Variants in TTLL7 observed in about 807,000 individuals in gnomAD.
TTLL7 encodes the protein tubulin polyglutamylase TTLL7.
A neutral mutation model predicts 120.2 loss-of-function variants in TTLL7; 53 were observed. The observed-to-expected ratio is 0.44, with a 90% CI of 0.35 to 0.55. TTLL7 has a LOEUF of 0.55. Among genes scored for constraint, TTLL7 ranks in the 20% least tolerant of loss-of-function variants. The probability of loss-of-function intolerance (pLI) is 0.00; values close to 1 mark genes in which losing one functional copy is unlikely to be tolerated. For synonymous variants in TTLL7, 353 were observed against 351.7 expected (o/e 1.00, Z -0.04); for missense variants, 803 against 1,054.7 (o/e 0.76, Z 3.31).
intron 14 of TTLL7, 148 bp from the exon 15 acceptor site, chr1:83,911,511 T>C: frequency 3.0e-6 from 2 of 660,430 alleles, no homozygotes; most frequent in East Asian, 5.4e-5. Flanking sequence ...GCCATGCTGC[T>C]TAGCCTACAG....
chr1:83,969,555 ACT>A (rs1316804617), intron 1 of TTLL7, among the ~76,000 whole-genome samples: 1 of 151,952 alleles, frequency 6.6e-6, no homozygotes, highest in Non-Finnish European at 1.5e-5. Flanking sequence ...AAAGGGGAAC[ACT>A]CTGGAAAACA....
chr1:83,992,794 T>TC (rs1023900870), intron 1 of TTLL7, among the ~76,000 whole-genome samples: 3 of 145,594 alleles, frequency 2.1e-5, no homozygotes, highest in Non-Finnish European at 4.5e-5. Flanking sequence ...TCAAGTTCTT[T>TC]TTTTTTTTTT....
In TTLL7 at chr1:83,999,086, G is replaced by A. The variant is rs1653757903; in HGVS notation, c.-332C>T. ...CTCCTCCGCCCGCCCACCGCCCGTGGCAGCCACGGCTCGGGACTCCGGTGC... is the reference window on the plus strand; with the variant it reads ...CTCCTCCGCCCGCCCACCGCCCGTGACAGCCACGGCTCGGGACTCCGGTGC... On this transcript the variant is annotated 5_prime_UTR_variant, in exon 1 of 21. Coordinates refer to ENST00000260505, the MANE Select transcript of TTLL7 (RefSeq NM_024686.6). The A allele has an allele frequency of 2.2e-6, 1 of 444,966 alleles. No homozygotes were observed. The allele number at this position is 444,966 out of a possible 1,614,324, so 27.6% of individuals were successfully genotyped here. A position where few individuals can be genotyped will look rare whatever the true frequency, so the allele number is the denominator to read the frequency against.
chr1:83,866,075 C>T lies in TTLL7; in HGVS notation c.*3887G>A, dbSNP rs537492319. On this transcript the variant is annotated 3_prime_UTR_variant, in exon 21 of 21. Coordinates refer to ENST00000260505, the MANE Select transcript of TTLL7 (RefSeq NM_024686.6). ...GAACACAATTAATTGTACAGTTATA[C>T]ATTTTATTTAACCCCTATGACCATG... 14 of 151,920 alleles carry T rather than the reference C, an allele frequency of 9.2e-5. No individual in the cohort carries two copies. The highest frequency in any genetic ancestry group is 3.4e-4 in the African/African-American group (14 of 41,530). 9.4% of individuals were successfully genotyped at this position (151,920 alleles called of 1,614,324 possible).
rs35374044 is a variant in TTLL7 at position 83,990,167 on chromosome 1, C to CTTT, written c.-177+8761_-177+8763dup. 1.2e-3 allele frequency among the ~76,000 whole-genome samples: 143 copies of CTTT among 116,918 alleles called. 3 individuals are homozygous for CTTT. The highest frequency in any genetic ancestry group is 2.8e-3 in the African/African-American group (86 of 30,564). The allele number at this position is 116,918 out of a possible 152,430, so 76.7% of individuals were successfully genotyped here. A position where few individuals can be genotyped will look rare whatever the true frequency, so the allele number is the denominator to read the frequency against. ...ATGATTTGACTTCTTATTTGGATGCCTTTTTTTTTTTTTTTTTTTGAGACG... is the reference window on the plus strand; with the variant it reads ...ATGATTTGACTTCTTATTTGGATGCCTTTTTTTTTTTTTTTTTTTTTTGAGACG... On this transcript the variant is annotated intron_variant, in intron 1 of 20. Coordinates refer to ENST00000260505, the MANE Select transcript of TTLL7 (RefSeq NM_024686.6).
At chr1:83,915,849 T>A (rs953104665) in intron 14 of TTLL7, among the ~76,000 whole-genome samples, 1 of 152,112 alleles carries the variant, frequency 6.6e-6, no homozygotes, top group Non-Finnish European at 1.5e-5. Context: ...CAGACACTTC[T>A]CAAAAGAAGA....
intron 18 of TTLL7, among the ~76,000 whole-genome samples, chr1:83,903,693 A>G (rs564185495): frequency 6.6e-6 from 1 of 152,150 alleles, no homozygotes; most frequent in East Asian, 1.9e-4. Context: ...ATGACAAGGG[A>G]AAAAAAGTCT....
chr1:83,873,073 T>C (rs183372041), intron 20 of TTLL7, among the ~76,000 whole-genome samples: 1 of 152,342 alleles, frequency 6.6e-6, no homozygotes, highest in Admixed American at 6.5e-5. Flanking sequence ...ACAATTATTA[T>C]ACTCATTTTT....
rs776306731 is a variant in TTLL7, at chr1:83,904,077, A to G, written c.2208+2T>C. The G allele has an allele frequency of 6.2e-7, 1 of 1,610,516 alleles. No homozygotes were observed. Among genetic ancestry groups the G allele is most frequent in the Non-Finnish European group, 8.5e-7 (1 of 1,177,860 alleles). ...AAAAAACTTGTTTTGAGCATTACTC[A>G]CTTTTCGTTGTTTTACAGAGTCCAA... On this transcript the variant is annotated splice_donor_variant, in intron 18 of 20. Transcript: ENST00000260505. LOFTEE classifies it high-confidence loss of function.
At chr1:83,908,064 G>A (rs1032991050) in intron 15 of TTLL7, among the ~76,000 whole-genome samples, 2 of 152,102 alleles carry the variant, frequency 1.3e-5, no homozygotes, top group African/African-American at 4.8e-5. Flanking sequence ...CCATTGCCCA[G>A]AGGCTTAGAG....
intron 1 of TTLL7, among the ~76,000 whole-genome samples, chr1:83,963,596 CACA>C (rs1282554740): frequency 6.6e-6 from 1 of 151,744 alleles, no homozygotes; most frequent in East Asian, 1.9e-4. Context: ...CATAAAATGC[CACA>C]ACTCACGTGA....
At chr1:83,994,125 A>C (rs1369008942) in intron 1 of TTLL7, among the ~76,000 whole-genome samples, 2 of 152,240 alleles carry the variant, frequency 1.3e-5, no homozygotes, top group African/African-American at 4.8e-5. Context: ...TCCAGCTTCT[A>C]TCAGAAATCC....
intron 14 of TTLL7, among the ~76,000 whole-genome samples, chr1:83,915,329 A>G (rs1175082184): frequency 6.6e-6 from 1 of 152,216 alleles, no homozygotes. Flanking sequence ...GCCCTCAGAA[A>G]TAATGCCGCA....
At chr1:83,986,002 C>A (rs187095890) in intron 1 of TTLL7, among the ~76,000 whole-genome samples, 3 of 152,266 alleles carry the variant, frequency 2.0e-5, no homozygotes, top group Admixed American at 1.3e-4. Context: ...AGAATTAACA[C>A]CATTTTTAAA....
chr1:83,988,495 C>T (rs1652687093), intron 1 of TTLL7, among the ~76,000 whole-genome samples: 1 of 152,208 alleles, frequency 6.6e-6, no homozygotes, highest in Non-Finnish European at 1.5e-5. Context: ...AATTTACATT[C>T]TCACCAGTAG....
chr1:83,907,803 A>G, intron 15 of TTLL7, 142 bp from the exon 16 acceptor site: 1 of 745,960 alleles, frequency 1.3e-6, no homozygotes, highest in Non-Finnish European at 2.2e-6. Flanking sequence ...CATCATGAGA[A>G]TATGAGTTTG....
chr1:83,884,364 T>A (rs1254963736), intron 19 of TTLL7, among the ~76,000 whole-genome samples: 1 of 151,766 alleles, frequency 6.6e-6, no homozygotes, highest in Non-Finnish European at 1.5e-5. Flanking sequence ...ACACAAAGAC[T>A]CCACTTTCAA....
At chr1:83,959,888 T>A (rs1649866755) in intron 1 of TTLL7, among the ~76,000 whole-genome samples, 1 of 152,150 alleles carries the variant, frequency 6.6e-6, no homozygotes, top group Non-Finnish European at 1.5e-5. Context: ...GTATATTATT[T>A]ACATAAAGTT....
intron 1 of TTLL7, among the ~76,000 whole-genome samples, chr1:83,965,647 A>G (rs1010386688): frequency 2.6e-5 from 4 of 152,140 alleles, no homozygotes; most frequent in Non-Finnish European, 5.9e-5. Flanking sequence ...TTTCATTTGA[A>G]TATCTTCTTT....
Sources: gnomAD v4.1 joint callset for allele counts (sites outside exome capture counted in the v4.1 genomes callset) on GRCh38, gnomAD v4.1.1 for gene constraint, MANE v1.5 for transcripts, NCBI Gene and HGNC (gene_info 2026-07-23, HGNC 2026-07-21) for gene names.